The following FMN2 variants were observed in gnomAD, a reference collection of about 807,000 sequenced individuals.
FMN2 encodes the protein formin-2.
Under a neutral mutation model 142.3 loss-of-function variants are expected in FMN2, and 51 were observed. That is an observed-to-expected ratio of 0.36 (90% CI 0.29 to 0.45). The LOEUF (loss-of-function observed/expected upper bound fraction) is 0.45, where lower values mean the gene tolerates loss of function less well. Ranked by LOEUF, FMN2 falls within the 20% of genes least tolerant of loss-of-function variation. The pLI, the probability that FMN2 is intolerant of heterozygous loss-of-function variation, is 1.00. For missense variants in FMN2, 1,936 were observed against 2,122.8 expected (o/e 0.91, Z 1.73); for synonymous variants, 882 against 869.8 (o/e 1.01, Z -0.25).
intron 6 of FMN2, among the ~76,000 whole-genome samples, chr1:240,233,296 G>T (rs570367595): frequency 6.6e-6 from 1 of 151,434 alleles, no homozygotes; most frequent in African/African-American, 2.4e-5. Flanking sequence ...CAGGAGAATC[G>T]CTCAAACCCT....
chr1:240,450,274 ATAGAT>A (rs1252311327), intron 16 of FMN2, among the ~76,000 whole-genome samples: 1 of 152,216 alleles, frequency 6.6e-6, no homozygotes, highest in African/African-American at 2.4e-5. Flanking sequence ...TTATTAATAC[ATAGAT>A]TAGATTATGA....
At chr1:240,209,363 G>C (rs1378689552) in intron 5 of FMN2, among the ~76,000 whole-genome samples, 1 of 151,176 alleles carries the variant, frequency 6.6e-6, no homozygotes. Context: ...CCATTCTCCT[G>C]CCTCAGCCTC....
At chr1:240,434,925 A>G (rs1399832404) in intron 15 of FMN2, among the ~76,000 whole-genome samples, 1 of 151,564 alleles carries the variant, frequency 6.6e-6, no homozygotes, top group Non-Finnish European at 1.5e-5. Context: ...AGCACTCGTG[A>G]TCCTCAGATA....
At chr1:240,433,195 T>C (rs1390161543) in intron 15 of FMN2, among the ~76,000 whole-genome samples, 2 of 152,204 alleles carry the variant, frequency 1.3e-5, no homozygotes, top group Non-Finnish European at 2.9e-5. Context: ...TGGATGCTTT[T>C]ATAATTATGA....
At chr1:240,308,441 C>CTGTAT (rs1670489523) in intron 8 of FMN2, among the ~76,000 whole-genome samples, 1 of 152,082 alleles carries the variant, frequency 6.6e-6, no homozygotes, top group Non-Finnish European at 1.5e-5. Context: ...TGTTGTCATT[C>CTGTAT]TGTTTTGTTT....
chr1:240,092,950 G>A lies in FMN2; in HGVS notation c.841G>A (p.Glu281Lys), dbSNP rs1661048468. The change falls in exon 1 of 18, where the codon GAG (glutamate) becomes AAG (lysine). Residue 281 changes from glutamate (E) to lysine (K), a missense_variant. Glu to Lys is a moderately conservative substitution (Grantham distance 56). Transcript: ENST00000319653. ...GCTGTCCGCGCTCTCCGACCTGCCCGAGAGCCTGGCCGCCGAGCCCCGGGA... is the reference window on the plus strand; with the variant it reads ...GCTGTCCGCGCTCTCCGACCTGCCCAAGAGCCTGGCCGCCGAGCCCCGGGA... ...QALSALSDLP[E>K]SLAAEPREPQ... 2.1e-6 allele frequency: 3 copies of A among 1,426,600 alleles called. No individual in the cohort carries two copies. The highest frequency in any genetic ancestry group is 2.7e-6 in the Non-Finnish European group (3 of 1,098,396). The allele number at this position is 1,426,600 out of a possible 1,614,324, so 88.4% of individuals were successfully genotyped here. A position where few individuals can be genotyped will look rare whatever the true frequency, so the allele number is the denominator to read the frequency against.
At chr1:240,287,626 A>C (rs763237236) in intron 7 of FMN2, among the ~76,000 whole-genome samples, 3 of 152,172 alleles carry the variant, frequency 2.0e-5, no homozygotes, top group African/African-American at 4.8e-5. Context: ...AATGTTTTCA[A>C]CCTGGTTCAT....
intron 7 of FMN2, among the ~76,000 whole-genome samples, chr1:240,269,400 G>A (rs1668918036): frequency 6.6e-6 from 1 of 151,870 alleles, no homozygotes; most frequent in Non-Finnish European, 1.5e-5. Flanking sequence ...TCCACTGGAC[G>A]ATGTGTCTAT....
chr1:240,418,969 A>G (rs566611192), intron 15 of FMN2, among the ~76,000 whole-genome samples: 1,830 of 152,174 alleles, frequency 0.012, 42 homozygotes, highest in African/African-American at 0.039. Context: ...TTAGCTGGAC[A>G]TGGTGGTGGG....
chr1:240,403,323 T>C (rs1053946521), intron 15 of FMN2, among the ~76,000 whole-genome samples: 5 of 152,244 alleles, frequency 3.3e-5, no homozygotes, highest in African/African-American at 1.2e-4. Context: ...ATACATGCTA[T>C]TGAAATTTTT....
At chr1:240,209,271 G>T (rs1160830800) in intron 5 of FMN2, among the ~76,000 whole-genome samples, 1 of 149,858 alleles carries the variant, frequency 6.7e-6, no homozygotes, top group African/African-American at 2.5e-5. Flanking sequence ...TTGGAGGGGG[G>T]ACGGAGTCTC....
chr1:240,383,610 T>A (rs1185804399), intron 14 of FMN2, among the ~76,000 whole-genome samples: 3 of 152,176 alleles, frequency 2.0e-5, no homozygotes, highest in Admixed American at 6.6e-5. Flanking sequence ...GACATGGATG[T>A]GCAGAAAAGG....
chr1:240,210,104 G>A (rs1414411276), intron 5 of FMN2, among the ~76,000 whole-genome samples: 7 of 152,110 alleles, frequency 4.6e-5, no homozygotes, highest in Admixed American at 4.6e-4. Context: ...TACAATCATA[G>A]CTGGGACTGA....
chr1:240,407,968 A>G (rs1416620607), intron 15 of FMN2, among the ~76,000 whole-genome samples: 2 of 152,224 alleles, frequency 1.3e-5, no homozygotes, highest in Non-Finnish European at 2.9e-5. Flanking sequence ...ATGAGCATGA[A>G]TAAATGTAGA....
At chr1:240,119,651 G>A (rs965323813) in intron 1 of FMN2, among the ~76,000 whole-genome samples, 2 of 152,202 alleles carry the variant, frequency 1.3e-5, no homozygotes, top group African/African-American at 4.8e-5. Context: ...GGTGATGATA[G>A]GGTTGTGGTA....
At chr1:240,258,457 G>A (rs1165453054) in intron 7 of FMN2, among the ~76,000 whole-genome samples, 2 of 152,112 alleles carry the variant, frequency 1.3e-5, no homozygotes, top group Non-Finnish European at 2.9e-5. Flanking sequence ...GCAGAAAGAA[G>A]GAAAGAGAGC....
intron 7 of FMN2, among the ~76,000 whole-genome samples, chr1:240,261,418 T>C (rs1668626638): frequency 6.6e-6 from 1 of 152,048 alleles, no homozygotes; most frequent in African/African-American, 2.4e-5. Flanking sequence ...CCACCAGCAT[T>C]GGTTTATCTA....
At chr1:240,133,439 G>A (rs930492694) in intron 2 of FMN2, among the ~76,000 whole-genome samples, 11 of 152,258 alleles carry the variant, frequency 7.2e-5, no homozygotes, top group South Asian at 2.1e-4. Context: ...CCAAAGTGAC[G>A]GGATTACAGG....
rs377414558 is a variant in FMN2, at chr1:240,355,801, T to G, written c.4766-15T>G. ...AACAGTGTGACACTCTAAATAATGT[T>G]CTGTCTAATTTCAGCCTGTGAAGTT... On this transcript the variant is annotated splice_polypyrimidine_tract_variant and intron_variant, in intron 13 of 17. Transcript: ENST00000319653. 3.2e-6 allele frequency: 5 copies of G among 1,585,612 alleles called. No individual in the cohort carries two copies. Among genetic ancestry groups the G allele is most frequent in the Non-Finnish European group, 4.3e-6 (5 of 1,155,710 alleles).
Sources: allele counts gnomAD v4.1 joint callset (sites outside exome capture counted in the v4.1 genomes callset), GRCh38; gene constraint gnomAD v4.1.1; transcripts MANE v1.5; gene names NCBI Gene and HGNC (gene_info 2026-07-23, HGNC 2026-07-21).